The following ALG10B variants were observed in gnomAD, a reference collection of about 807,000 sequenced individuals.
ALG10B encodes the protein dol-P-Glc:Glc(2)Man(9)GlcNAc(2)-PP-Dol alpha-1,2-glucosyltransferase B.
A neutral mutation model predicts 38.7 loss-of-function variants in ALG10B; 27 were observed. The ratio of observed to expected loss-of-function variants is 0.70; its 90% CI spans 0.51 to 0.96. The LOEUF is 0.96. Among genes scored for constraint, ALG10B ranks in the 40% least tolerant of loss-of-function variants. ALG10B has a pLI of 0.00. For missense variants in ALG10B, 522 were observed against 542.7 expected (o/e 0.96, Z 0.38); for synonymous variants, 177 against 193.3 (o/e 0.92, Z 0.70).
chr12:38,326,827 G>A lies in ALG10B; in HGVS notation c.*5614G>A, dbSNP rs1945748702. 1 of 151,442 alleles carries A rather than the reference G, an allele frequency of 6.6e-6. No homozygotes were observed. The highest frequency in any genetic ancestry group is 1.5e-5 in the Non-Finnish European group (1 of 67,866). 9.4% of individuals were successfully genotyped at this position (151,442 alleles called of 1,614,324 possible). A position where few individuals can be genotyped will look rare whatever the true frequency, so the allele number is the denominator to read the frequency against. On this transcript the variant is annotated 3_prime_UTR_variant, in exon 3 of 3. Coordinates refer to ENST00000308742, the MANE Select transcript of ALG10B (RefSeq NM_001013620.4). ...ACATATTTTTAACATATATCCATGA[G>A]TCAACACTAATATTTAATATTTGAG...
chr12:38,325,153 A>G lies in ALG10B; in HGVS notation c.*3940A>G, dbSNP rs1417746799. The G allele has an allele frequency of 6.6e-6, 1 of 152,194 alleles. No homozygotes were observed. The highest frequency in any genetic ancestry group is 6.5e-5 in the Admixed American group (1 of 15,278). 9.4% of individuals were successfully genotyped at this position (152,194 alleles called of 1,614,324 possible). On this transcript the variant is annotated 3_prime_UTR_variant, in exon 3 of 3. Transcript: ENST00000308742. The stretch of plus-strand genomic sequence containing the variant: ...GTCAGGAATCTTTTGAACTGCGTCT[A>G]TGTATTTAAATGATTTGGAAAGATA...
rs1228374645 is a variant in ALG10B, at chr12:38,321,161, A to T, written c.1370A>T (p.Asn457Ile). 1 of 1,612,738 alleles carries T rather than the reference A, an allele frequency of 6.2e-7. No individual in the cohort carries two copies. Residue 457 changes from asparagine (N) to isoleucine (I), a missense_variant, in exon 3 of 3, where the codon AAC becomes ATC. Coordinates refer to ENST00000308742, the MANE Select transcript of ALG10B (RefSeq NM_001013620.4). ...VNFITFYIFL[N>I]KTFQWPNSQD... ...TTCATAACTTTTTACATCTTTCTGA[A>T]CAAGACTTTTCAGTGGCCAAATAGT... is the stretch of plus-strand genomic sequence containing the variant.
In ALG10B at chr12:38,316,802, C is replaced by A. The variant is rs1244082779; in HGVS notation, c.-92C>A. 21 of 1,605,472 alleles carry A rather than the reference C, an allele frequency of 1.3e-5. No homozygotes were observed. Among genetic ancestry groups the A allele is most frequent in the Non-Finnish European group, 1.7e-5 (20 of 1,174,018 alleles). ...GCCCCGTCTGGCTAGTCCTGTCTAG[C>A]GCGCCCATTTCGAGCCCAAGTTTCC... On this transcript the variant is annotated 5_prime_UTR_variant, in exon 1 of 3. Transcript: ENST00000308742.
In ALG10B at chr12:38,327,666, A is replaced by G. The variant is rs1945758037; in HGVS notation, c.*6453A>G. The G allele has an allele frequency of 6.6e-6, 1 of 152,128 alleles. No individual in the cohort carries two copies. Among genetic ancestry groups the G allele is most frequent in the Non-Finnish European group, 1.5e-5 (1 of 68,018 alleles). 9.4% of individuals were successfully genotyped at this position (152,128 alleles called of 1,614,324 possible). On this transcript the variant is annotated 3_prime_UTR_variant, in exon 3 of 3. Transcript: ENST00000308742. ...TTTTTTTTCAATTTTTTTTAAATCA[A>G]AAGAAGTAGTATATGGAGAGAGAGG...
chr12:38,324,056 A>G lies in ALG10B; in HGVS notation c.*2843A>G, dbSNP rs979298595. Reference sequence around the variant, plus strand: ...TTTGTTTGTTTTTGTCTTTGAGGAGAAGTCTCGCTCTTGTCCCCCAGGCTG... The same window carrying G: ...TTTGTTTGTTTTTGTCTTTGAGGAGGAGTCTCGCTCTTGTCCCCCAGGCTG... On this transcript the variant is annotated 3_prime_UTR_variant, in exon 3 of 3. Coordinates refer to ENST00000308742, the MANE Select transcript of ALG10B (RefSeq NM_001013620.4). 172 of 664,518 alleles carry G rather than the reference A, an allele frequency of 2.6e-4. No individual in the cohort carries two copies. In the East Asian group the frequency reaches 4.6e-3, roughly 18 times the overall value. 41.2% of individuals were successfully genotyped at this position (664,518 alleles called of 1,614,324 possible). A position where few individuals can be genotyped will look rare whatever the true frequency, so the allele number is the denominator to read the frequency against.
rs1945724989 is a variant in ALG10B, at chr12:38,324,209, T to C, written c.*2996T>C. On this transcript the variant is annotated 3_prime_UTR_variant, in exon 3 of 3. Transcript: ENST00000308742. ...CACCAAGCCTGGCTAATTTTTTCTATTTTTAGTAGAGCCGGGGTTTCACCG... is the reference window on the plus strand; with the variant it reads ...CACCAAGCCTGGCTAATTTTTTCTACTTTTAGTAGAGCCGGGGTTTCACCG... 2 of 353,716 alleles carry C rather than the reference T, an allele frequency of 5.7e-6. No individual in the cohort carries two copies. The highest frequency in any genetic ancestry group is 1.0e-5 in the Non-Finnish European group (2 of 194,784). The allele number at this position is 353,716 out of a possible 1,614,324, so 21.9% of individuals were successfully genotyped here. A position where few individuals can be genotyped will look rare whatever the true frequency, so the allele number is the denominator to read the frequency against.
At position 38,325,387 on chromosome 12, in the gene ALG10B, T is replaced by G. The variant is rs1945735591; in HGVS notation, c.*4174T>G. The G allele has an allele frequency of 6.6e-6, 1 of 152,222 alleles. No individual in the cohort carries two copies. The highest frequency in any genetic ancestry group is 1.5e-5 in the Non-Finnish European group (1 of 68,018). 9.4% of individuals were successfully genotyped at this position (152,222 alleles called of 1,614,324 possible). A position where few individuals can be genotyped will look rare whatever the true frequency, so the allele number is the denominator to read the frequency against. ...AGTTTGAACTTAATTGCCACTTGGC[T>G]TGATATTATTTTCCTTAGAATTGTT... On this transcript the variant is annotated 3_prime_UTR_variant, in exon 3 of 3. Transcript: ENST00000308742.
Position 38,318,387 on chromosome 12 carries a change from A to C in ALG10B, c.298A>C (p.Asn100His), listed in dbSNP as rs768214614. Residue 100 changes from asparagine (N) to histidine (H), a missense_variant, in exon 2 of 3, where the codon AAT (asparagine) becomes CAT (histidine). Transcript: ENST00000308742. ...VCSIGMLRFV[N>H]LLFSVGNFYL... ...CTCCATTGGGATGCTCAGATTTGTT[A>C]ATCTTCTCTTCAGTGTTGGCAACTT... 1.9e-6 allele frequency: 3 copies of C among 1,614,118 alleles called. No individual in the cohort carries two copies. The highest frequency in any genetic ancestry group is 2.2e-5 in the East Asian group (1 of 44,868).
rs757770173 is a variant in ALG10B, at chr12:38,316,959, C to A, written c.66C>A (p.Leu22=). The A allele has an allele frequency of 6.2e-7, 1 of 1,614,042 alleles. No individual in the cohort carries two copies. The highest frequency in any genetic ancestry group is 8.5e-7 in the Non-Finnish European group (1 of 1,180,052). The change falls in exon 1 of 3, where the codon CTC becomes CTA. Residue 22 remains leucine, a synonymous_variant. Transcript: ENST00000308742. ...ALSCTFLVSC[L]LFSAFSRALR... is the part of the protein sequence containing the mutation. The stretch of plus-strand genomic sequence containing the variant: ...GCTGTACCTTTTTAGTGTCCTGCCT[C>A]CTCTTCTCCGCCTTCAGCCGGGCGC...
chr12:38,320,816 A>T lies in ALG10B; in HGVS notation c.1025A>T (p.Tyr342Phe), dbSNP rs1238965360. 1 of 1,613,860 alleles carries T rather than the reference A, an allele frequency of 6.2e-7. No homozygotes were observed. Among genetic ancestry groups the T allele is most frequent in the Non-Finnish European group, 8.5e-7 (1 of 1,179,906 alleles). The change falls in exon 3 of 3, where the codon TAT (tyrosine) becomes TTT (phenylalanine). Residue 342 changes from tyrosine (Y) to phenylalanine (F), a missense_variant. By Grantham distance (22) the Tyr-to-Phe change is conservative. Transcript: ENST00000308742. ...GTGTTTTTAGTTTGGAAATTCACTT[A>T]TGCTCATAAATACTTGCTAGCAGAC... ...VSVFLVWKFT[Y>F]AHKYLLADNR...
intron 1 of ALG10B, chr12:38,317,950 C>T (rs12303745): frequency 0.019 from 7,236 of 389,402 alleles, 511 homozygotes; most frequent in African/African-American, 0.14. Context: ...TGTTTCCATG[C>T]TTTTAAAAAC....
Position 38,317,073 on chromosome 12 carries a change from C to A in ALG10B, c.171+9C>A. On this transcript the variant is annotated intron_variant, in intron 1 of 2. Transcript: ENST00000308742. ...ATTTCTCCCTTTCCCAGGTGGGGTG[C>A]CCAACCTGTCCCCACCCCAGGAGAG... 1 of 1,614,056 alleles carries A rather than the reference C, an allele frequency of 6.2e-7. No homozygotes were observed. Among genetic ancestry groups the A allele is most frequent in the Non-Finnish European group, 8.5e-7 (1 of 1,180,022 alleles).
At chr12:38,318,140 T>A in intron 1 of ALG10B, 121 bp from the exon 2 acceptor site, 1 of 1,304,670 alleles carries the variant, frequency 7.7e-7, no homozygotes, top group Admixed American at 1.7e-5. Context: ...CTTAATCTTG[T>A]CATAGACTAA....
Position 38,324,074 on chromosome 12 carries a change from C to T in ALG10B, c.*2861C>T, listed in dbSNP as rs1055887179. On this transcript the variant is annotated 3_prime_UTR_variant, in exon 3 of 3. Coordinates refer to ENST00000308742, the MANE Select transcript of ALG10B (RefSeq NM_001013620.4). ...TGAGGAGAAGTCTCGCTCTTGTCCCCCAGGCTGGAATGCAATGGCGCGATC... is the reference window on the plus strand; with the variant it reads ...TGAGGAGAAGTCTCGCTCTTGTCCCTCAGGCTGGAATGCAATGGCGCGATC... 1.6e-6 allele frequency: 1 copy of T among 627,258 alleles called. No homozygotes were observed. Among genetic ancestry groups the T allele is most frequent in the African/African-American group, 1.8e-5 (1 of 54,488 alleles). The allele number at this position is 627,258 out of a possible 1,614,324, so 38.9% of individuals were successfully genotyped here. A position where few individuals can be genotyped will look rare whatever the true frequency, so the allele number is the denominator to read the frequency against.
chr12:38,317,137 C>A (rs1945663137), intron 1 of ALG10B, 73 bp downstream of exon 1: 1 of 1,604,404 alleles, frequency 6.2e-7, no homozygotes, highest in Non-Finnish European at 8.5e-7. Context: ...CTTCTCCCAT[C>A]TTTAGACTTA....
rs1379705982 is a variant in ALG10B at position 38,329,282 on chromosome 12, A to G, written c.*8069A>G. On this transcript the variant is annotated 3_prime_UTR_variant, in exon 3 of 3. Transcript: ENST00000308742. The stretch of plus-strand genomic sequence containing the variant: ...GATATATGTTGTAATTATGAATTTA[A>G]GGAAGTAAAAAAATAACTCAGGGCT... 1 of 339,646 alleles carries G rather than the reference A, an allele frequency of 2.9e-6. No individual in the cohort carries two copies. The highest frequency in any genetic ancestry group is 3.7e-5 in the African/African-American group (1 of 26,702). 21.0% of individuals were successfully genotyped at this position (339,646 alleles called of 1,614,324 possible).
rs1435819677 is a variant in ALG10B at position 38,326,269 on chromosome 12, A to C, written c.*5056A>C. 2 of 151,528 alleles carry C rather than the reference A, an allele frequency of 1.3e-5. No homozygotes were observed. The highest frequency in any genetic ancestry group is 4.8e-5 in the African/African-American group (2 of 41,264). 9.4% of individuals were successfully genotyped at this position (151,528 alleles called of 1,614,324 possible). On this transcript the variant is annotated 3_prime_UTR_variant, in exon 3 of 3. Transcript: ENST00000308742. ...TGTTCGTGTATTTTATGTGTGGCCC[A>C]AGATGGTTCTTCCAGTGTGGCCCAG...
rs1945699981 is a variant in ALG10B, at chr12:38,321,041, A to G, written c.1250A>G (p.Tyr417Cys). 1 of 1,613,380 alleles carries G rather than the reference A, an allele frequency of 6.2e-7. No homozygotes were observed. Among genetic ancestry groups the G allele is most frequent in the Non-Finnish European group, 8.5e-7 (1 of 1,179,754 alleles). Reference sequence around the variant, plus strand: ...CCTCAGAAACTGCTGGAATTTCGTTACTTCATTTTACCTTATGTCATTTAT... The same window carrying G: ...CCTCAGAAACTGCTGGAATTTCGTTGCTTCATTTTACCTTATGTCATTTAT... ...IVPQKLLEFR[Y>C]FILPYVIYRL... The change falls in exon 3 of 3, where the codon TAC becomes TGC. Residue 417 changes from tyrosine (Y) to cysteine (C), a missense_variant. By Grantham distance (194) the Tyr-to-Cys change is radical. Coordinates refer to ENST00000308742, the MANE Select transcript of ALG10B (RefSeq NM_001013620.4).
Position 38,324,061 on chromosome 12 carries a change from T to C in ALG10B, c.*2848T>C, listed in dbSNP as rs1224415787. ...TTGTTTTTGTCTTTGAGGAGAAGTC[T>C]CGCTCTTGTCCCCCAGGCTGGAATG... On this transcript the variant is annotated 3_prime_UTR_variant, in exon 3 of 3. Transcript: ENST00000308742. 2.8e-5 allele frequency: 18 copies of C among 653,458 alleles called. 1 individual carries two copies. Among genetic ancestry groups the C allele is most frequent in the Non-Finnish European group, 4.7e-5 (17 of 362,212 alleles). The allele number at this position is 653,458 out of a possible 1,614,324, so 40.5% of individuals were successfully genotyped here.
Sources: allele counts gnomAD v4.1 joint callset, GRCh38; gene constraint gnomAD v4.1.1; transcripts MANE v1.5; gene names NCBI Gene and HGNC (gene_info 2026-07-23, HGNC 2026-07-21).